Variants in SHBG observed in about 807,000 individuals in gnomAD.
SHBG encodes the protein sex hormone-binding globulin.
SHBG carries 37 observed loss-of-function variants against 41.9 expected under a neutral mutation model. The ratio of observed to expected loss-of-function variants is 0.88; its 90% CI spans 0.68 to 1.16. The LOEUF is 1.16. Ranked by LOEUF, SHBG falls within the 50% of genes most tolerant of loss-of-function variation. The pLI is 0.00. For synonymous variants in SHBG, 217 were observed against 205.8 expected, an observed-to-expected ratio of 1.05 and a Z score of -0.47; for missense variants, 466 against 499.9, an observed-to-expected ratio of 0.93 and a Z score of 0.65.
chr17:7,625,013 G>T (rs2075767198), upstream of SHBG, among the ~76,000 whole-genome samples: 1 of 141,144 alleles, frequency 7.1e-6, no homozygotes, highest in Admixed American at 7.6e-5. Context: ...GCAGTGGCAT[G>T]ATCTTGACTC....
chr17:7,628,469 C>T (rs2072296121), upstream of SHBG, among the ~76,000 whole-genome samples: 2 of 149,122 alleles, frequency 1.3e-5, no homozygotes, highest in Admixed American at 6.7e-5. Context: ...TTTGTTTTAA[C>T]GGATTCTCAC....
intron 1 of SHBG, among the ~76,000 whole-genome samples, chr17:7,616,336 G>A (rs150942042): frequency 1.0e-3 from 157 of 149,802 alleles, no homozygotes; most frequent in African/African-American, 3.2e-3. Context: ...GGCAGGGCGC[G>A]GTGGCTCATG....
intron 1 of SHBG, among the ~76,000 whole-genome samples, chr17:7,621,003 G>A (rs2072082140): frequency 6.7e-6 from 1 of 150,128 alleles, no homozygotes; most frequent in Non-Finnish European, 1.5e-5. Flanking sequence ...GGCTGAGGTG[G>A]GAGAATCACT....
At chr17:7,632,986 T>G (rs1002236681) in intron 7 of SHBG, 27 bp downstream of exon 7, 1 of 1,594,122 alleles carries the variant, frequency 6.3e-7, no homozygotes, top group African/African-American at 1.3e-5. Context: ...TTCAAGTTCA[T>G]GAGCACAACA....
chr17:7,614,249 G>C (rs1567755798), intron 1 of SHBG: 2 of 687,644 alleles, frequency 2.9e-6, no homozygotes, highest in East Asian at 5.4e-5. Context: ...AGAAGCAGGT[G>C]CAGGTGCCTT....
upstream of SHBG, among the ~76,000 whole-genome samples, chr17:7,623,748 C>A (rs2072140355): frequency 6.6e-6 from 1 of 152,168 alleles, no homozygotes; most frequent in Non-Finnish European, 1.5e-5. Context: ...GCGTGAGCCA[C>A]TGTACCCAAC....
chr17:7,631,358 GC>G lies in SHBG; in HGVS notation c.554del (p.Pro185ArgfsTer35). ...LLFPASNLRLPLVPALDGCLR... is the reference protein window; with the variant it reads ...LLFPASNLRLXLVPALDGCLR... ...TCTTCCCCGCTTCCAACCTTCGGTT[GC>G]CGGTAACTACACCCCAGGGGTGGAA... On this transcript the variant is annotated frameshift_variant and splice_region_variant, in exon 4 of 8. Coordinates refer to ENST00000380450, the MANE Select transcript of SHBG (RefSeq NM_001040.5). LOFTEE classifies it high-confidence loss of function. The G allele has an allele frequency of 6.2e-7, 1 of 1,612,796 alleles. No individual in the cohort carries two copies. The highest frequency in any genetic ancestry group is 8.5e-7 in the Non-Finnish European group (1 of 1,179,616).
chr17:7,631,325 G>A lies in SHBG; in HGVS notation c.519G>A (p.Gly173=), dbSNP rs367555757. 9 of 1,613,794 alleles carry A rather than the reference G, an allele frequency of 5.6e-6. No individual in the cohort carries two copies. The highest frequency in any genetic ancestry group is 1.7e-5 in the Admixed American group (1 of 59,998). Residue 173 remains glycine, a synonymous_variant, in exon 4 of 8, where the codon GGG becomes GGA. Transcript: ENST00000380450. ...ATCCCATCATGAGGATTGCGCTTGG[G>A]GGGCTGCTCTTCCCCGCTTCCAACC... ...KRHPIMRIAL[G]GLLFPASNLR...
chr17:7,633,299 T>A lies in SHBG; in HGVS notation c.1156T>A (p.Trp386Arg). 6.2e-7 allele frequency: 1 copy of A among 1,614,182 alleles called. No individual in the cohort carries two copies. Among genetic ancestry groups the A allele is most frequent in the Non-Finnish European group, 8.5e-7 (1 of 1,180,002 alleles). ...GGCCCTGAACAGAAGCCATGAGATCTGGACTCACAGCTGCCCCCAGAGCCC... is the reference window on the plus strand; with the variant it reads ...GGCCCTGAACAGAAGCCATGAGATCAGGACTCACAGCTGCCCCCAGAGCCC... ...DQALNRSHEI[W>R]THSCPQSPGN... Residue 386 changes from tryptophan (W) to arginine (R), a missense_variant, in exon 8 of 8, where the codon TGG becomes AGG. Trp to Arg is a moderately radical substitution (Grantham distance 101). Transcript: ENST00000380450.
At chr17:7,622,971 A>G (rs2072126168), upstream of SHBG, among the ~76,000 whole-genome samples, 1 of 151,588 alleles carries the variant, frequency 6.6e-6, no homozygotes, top group African/African-American at 2.4e-5. Flanking sequence ...TGAGAGGCAG[A>G]GCTTGCAGTG....
At chr17:7,629,341 G>A (rs1261995315), upstream of SHBG, among the ~76,000 whole-genome samples, 1 of 151,928 alleles carries the variant, frequency 6.6e-6, no homozygotes, top group African/African-American at 2.4e-5. Flanking sequence ...TCACGCCACT[G>A]CACTCCAGCC....
rs1352078043 is a variant in SHBG at position 7,633,311 on chromosome 17, T to TGCCC, written c.1169_1172dup (p.Gln392ProfsTer9). ...AAGCCATGAGATCTGGACTCACAGC[T>TGCCC]GCCCCCAGAGCCCAGGCAATGGCAC... On this transcript the variant is annotated frameshift_variant, in exon 8 of 8. Coordinates refer to ENST00000380450, the MANE Select transcript of SHBG (RefSeq NM_001040.5). LOFTEE classifies it high-confidence loss of function. 3 of 1,614,206 alleles carry TGCCC rather than the reference T, an allele frequency of 1.9e-6. No individual in the cohort carries two copies. Among genetic ancestry groups the TGCCC allele is most frequent in the Non-Finnish European group, 2.5e-6 (3 of 1,180,034 alleles).
At chr17:7,614,753 G>A (rs2071931584) in intron 1 of SHBG, 2 of 246,852 alleles carry the variant, frequency 8.1e-6, no homozygotes, top group Non-Finnish European at 1.5e-5. Context: ...CTCCGCCACC[G>A]TGAGGGAAAC....
chr17:7,632,279 TA>T (rs368288819), intron 6 of SHBG, among the ~76,000 whole-genome samples: 664 of 137,774 alleles, frequency 4.8e-3, no homozygotes, highest in Middle Eastern at 7.3e-3. Flanking sequence ...GACCTCTGTC[TA>T]AAAAAAAAAA....
At chr17:7,615,972 CAGCCTCAACAGGGCGA>C (rs2071977693) in intron 1 of SHBG, among the ~76,000 whole-genome samples, 1 of 151,652 alleles carries the variant, frequency 6.6e-6, no homozygotes, top group South Asian at 2.1e-4. Flanking sequence ...AGTTTGACAC[CAGCCTCAACAGGGCGA>C]AACCCTGTTT....
At chr17:7,628,098 T>C (rs533359647), upstream of SHBG, 301 of 464,262 alleles carry the variant, frequency 6.5e-4, 3 homozygotes, top group South Asian at 3.4e-3. Context: ...TAAATTGACA[T>C]ATGCAGTGAT....
At chr17:7,618,766 C>T (rs1597894532) in intron 1 of SHBG, among the ~76,000 whole-genome samples, 1 of 152,176 alleles carries the variant, frequency 6.6e-6, no homozygotes, top group East Asian at 1.9e-4. Flanking sequence ...GACGTCAACA[C>T]AAGAGAGAGG....
chr17:7,627,849 C>G (rs1056713488), upstream of SHBG: 29 of 654,646 alleles, frequency 4.4e-5, no homozygotes, highest in Non-Finnish European at 7.4e-5. This position sits in a 1 kb window ranked among gnomAD's most constrained non-coding sequence, Gnocchi z 4.8. Context: ...ATCCTCTGTC[C>G]GGGCATAGCC....
intron 1 of SHBG, among the ~76,000 whole-genome samples, chr17:7,615,031 C>T (rs201428958): frequency 9.9e-5 from 15 of 152,214 alleles, no homozygotes; most frequent in Admixed American, 2.0e-4. Flanking sequence ...CTCACTCCCC[C>T]TCCTGGTCGC....
Sources: allele counts gnomAD v4.1 joint callset (sites outside exome capture counted in the v4.1 genomes callset), GRCh38; gene constraint gnomAD v4.1.1; non-coding constraint Gnocchi (gnomAD v3.1); transcripts MANE v1.5; gene names NCBI Gene and HGNC (gene_info 2026-07-23, HGNC 2026-07-21).